Variants in WSCD2 observed in about 807,000 individuals in gnomAD.
WSCD2 encodes WSC domain sialate O sulfotransferase 2, also known as sialate:O-sulfotransferase 2.
A neutral mutation model predicts 55.7 loss-of-function variants in WSCD2; 28 were observed. That is an observed-to-expected ratio of 0.50 (90% CI 0.37 to 0.69). The LOEUF (loss-of-function observed/expected upper bound fraction) is 0.69, where lower values mean the gene tolerates loss of function less well. Among genes scored for constraint, WSCD2 ranks in the 30% least tolerant of loss-of-function variants. The pLI, the probability that WSCD2 is intolerant of heterozygous loss-of-function variation, is 0.00. For synonymous variants in WSCD2, 301 were observed against 301.9 expected (o/e 1.00, Z 0.03); for missense variants, 616 against 762.1 (o/e 0.81, Z 2.26).
chr12:108,169,886 C>T (rs1321035148), intron 1 of WSCD2, among the ~76,000 whole-genome samples: 1 of 152,052 alleles, frequency 6.6e-6, no homozygotes, highest in African/African-American at 2.4e-5. Context: ...GATATAACAC[C>T]CCAAACAAGG....
intron 4 of WSCD2, among the ~76,000 whole-genome samples, chr12:108,215,493 C>T (rs961734707): frequency 3.3e-5 from 5 of 152,120 alleles, no homozygotes; most frequent in African/African-American, 4.8e-5. Context: ...CAATTCACTC[C>T]GAGAAGCACC....
chr12:108,163,416 ATTC>A (rs1283022824), intron 1 of WSCD2, among the ~76,000 whole-genome samples: 1 of 152,104 alleles, frequency 6.6e-6, no homozygotes, highest in Non-Finnish European at 1.5e-5. Flanking sequence ...AGTCTATACC[ATTC>A]TTCTTTCTAA....
At position 108,227,180 on chromosome 12, in the gene WSCD2, C is replaced by A; in HGVS notation, c.979+16C>A. 6.2e-7 allele frequency: 1 copy of A among 1,603,458 alleles called. No homozygotes were observed. Among genetic ancestry groups the A allele is most frequent in the Admixed American group, 1.7e-5 (1 of 59,134 alleles). ...CAAGTCCAAGGTGAGCTAGGCCCTT[C>A]CCCAGTGGACCCCAGATGCACTCCC... On this transcript the variant is annotated intron_variant, in intron 6 of 8. Coordinates refer to ENST00000547525, the MANE Select transcript of WSCD2 (RefSeq NM_014653.4).
At chr12:108,226,013 G>A (rs1463349889) in intron 5 of WSCD2, among the ~76,000 whole-genome samples, 4 of 152,032 alleles carry the variant, frequency 2.6e-5, no homozygotes, top group Admixed American at 6.5e-5. Context: ...CCTTTCTCAC[G>A]GTCATGCAAT....
chr12:108,226,215 G>A (rs140146444), intron 5 of WSCD2, among the ~76,000 whole-genome samples: 204 of 152,228 alleles, frequency 1.3e-3, no homozygotes, highest in African/African-American at 4.7e-3. Flanking sequence ...GAGAACTAGG[G>A]GTGGTGGGTC....
intron 3 of WSCD2, among the ~76,000 whole-genome samples, chr12:108,207,426 G>A (rs1014424052): frequency 2.6e-5 from 4 of 151,600 alleles, no homozygotes; most frequent in South Asian, 2.1e-4. Flanking sequence ...CTGGAGTGCA[G>A]TGGCATAATC....
intron 4 of WSCD2, among the ~76,000 whole-genome samples, chr12:108,218,326 C>T (rs1277773263): frequency 6.6e-6 from 1 of 152,168 alleles, no homozygotes; most frequent in Non-Finnish European, 1.5e-5. Flanking sequence ...GATTAGAGCT[C>T]GTGTTTCCTA....
At position 108,248,928 on chromosome 12, in the gene WSCD2, T is replaced by C; in HGVS notation, c.*585T>C. 1.0e-6 allele frequency: 1 copy of C among 986,840 alleles called. No homozygotes were observed. The highest frequency in any genetic ancestry group is 1.2e-6 in the Non-Finnish European group (1 of 830,526). 61.1% of individuals were successfully genotyped at this position (986,840 alleles called of 1,614,324 possible). On this transcript the variant is annotated 3_prime_UTR_variant, in exon 9 of 9. Transcript: ENST00000547525. The surrounding 1 kb of genome is among the most constrained non-coding windows in gnomAD (Gnocchi z 4.3). ...CATCCTGGATAGTGTGGGGAGGTAA[T>C]GGTGCTCACAGTAGGTTAATTGGAG...
chr12:108,186,749 T>C (rs566845422), intron 1 of WSCD2, among the ~76,000 whole-genome samples: 2 of 152,332 alleles, frequency 1.3e-5, no homozygotes, highest in East Asian at 1.9e-4. Context: ...CTGGATCGTA[T>C]GGTAAGAGTA....
In WSCD2 at chr12:108,249,068, G is replaced by A; in HGVS notation, c.*725G>A. 3.1e-6 allele frequency: 1 copy of A among 318,792 alleles called. No individual in the cohort carries two copies. Among genetic ancestry groups the A allele is most frequent in the Non-Finnish European group, 4.5e-6 (1 of 220,132 alleles). 19.7% of individuals were successfully genotyped at this position (318,792 alleles called of 1,614,324 possible). A position where few individuals can be genotyped will look rare whatever the true frequency, so the allele number is the denominator to read the frequency against. On this transcript the variant is annotated 3_prime_UTR_variant, in exon 9 of 9. Coordinates refer to ENST00000547525, the MANE Select transcript of WSCD2 (RefSeq NM_014653.4). ...AACCCTGCCCCTTTCTATCCATGCTGTGTCCAGGAGGTGACCTTGAGATCC... is the reference window on the plus strand; with the variant it reads ...AACCCTGCCCCTTTCTATCCATGCTATGTCCAGGAGGTGACCTTGAGATCC...
In WSCD2 at chr12:108,227,115, G is replaced by A; in HGVS notation, c.930G>A (p.Glu310=). ...CAQKCSAEEF[E]SCGTPSYFIV... Reference sequence around the variant, plus strand: ...AGAAGTGCAGCGCGGAGGAGTTTGAGAGCTGCGGGACTCCTAGTTACTTCA... The same window carrying A: ...AGAAGTGCAGCGCGGAGGAGTTTGAAAGCTGCGGGACTCCTAGTTACTTCA... The change falls in exon 6 of 9, where the codon GAG becomes GAA. Residue 310 remains glutamate, a synonymous_variant. Transcript: ENST00000547525. 6.2e-7 allele frequency: 1 copy of A among 1,614,222 alleles called. No individual in the cohort carries two copies. Among genetic ancestry groups the A allele is most frequent in the Non-Finnish European group, 8.5e-7 (1 of 1,180,026 alleles).
intron 6 of WSCD2, among the ~76,000 whole-genome samples, chr12:108,230,753 C>T (rs1168944293): frequency 1.3e-5 from 2 of 152,178 alleles, no homozygotes; most frequent in African/African-American, 4.8e-5. Context: ...AGCGCTCTGC[C>T]CTCATGCCCG....
rs749136209 is a variant in WSCD2 at position 108,195,899 on chromosome 12, C to G, written c.67C>G (p.Leu23Val). ...RRKPVRFFTFLALYLTAGSLV... is the reference protein window; with the variant it reads ...RRKPVRFFTFVALYLTAGSLV... ...GAAACCTGTGCGCTTCTTTACCTTC[C>G]TGGCACTCTACCTGACTGCTGGGAG... is the stretch of plus-strand genomic sequence containing the variant. The change falls in exon 2 of 9, where the codon CTG (leucine) becomes GTG (valine). Residue 23 changes from leucine to valine, a missense_variant. Coordinates refer to ENST00000547525, the MANE Select transcript of WSCD2 (RefSeq NM_014653.4). 8.5e-5 allele frequency: 138 copies of G among 1,614,176 alleles called. No homozygotes were observed. The highest frequency in any genetic ancestry group is 1.1e-4 in the Non-Finnish European group (135 of 1,180,016).
intron 6 of WSCD2, among the ~76,000 whole-genome samples, chr12:108,230,183 C>T (rs896110533): frequency 9.9e-5 from 15 of 152,154 alleles, no homozygotes; most frequent in African/African-American, 3.4e-4. Context: ...TAATCCACTC[C>T]CCTATCAAAA....
chr12:108,161,347 T>C (rs1214695498), intron 1 of WSCD2, among the ~76,000 whole-genome samples: 1 of 152,130 alleles, frequency 6.6e-6, no homozygotes, highest in Non-Finnish European at 1.5e-5. Flanking sequence ...TTAGTTAAAT[T>C]AGGATGAAGT....
rs181051336 is a variant in WSCD2, at chr12:108,215,191, G to T, written c.682+4886G>T. On this transcript the variant is annotated intron_variant, in intron 4 of 8. Coordinates refer to ENST00000547525, the MANE Select transcript of WSCD2 (RefSeq NM_014653.4). The stretch of plus-strand genomic sequence containing the variant: ...TCTTCTTCTGCATCATGATGGGAGA[G>T]AATTGGTTTGCTCTTCTCCCCTAAG... Among the ~76,000 whole-genome samples, 48 of 152,316 alleles carry T rather than the reference G, an allele frequency of 3.2e-4. No individual in the cohort carries two copies. In the East Asian group the frequency reaches 6.0e-3, roughly 19 times the overall value.
intron 1 of WSCD2, among the ~76,000 whole-genome samples, chr12:108,169,498 C>T (rs1217189366): frequency 6.6e-6 from 1 of 152,096 alleles, no homozygotes; most frequent in Non-Finnish European, 1.5e-5. Context: ...TTTGAAAGGT[C>T]AGTGTGAGCT....
chr12:108,215,377 C>T (rs1284094335), intron 4 of WSCD2, among the ~76,000 whole-genome samples: 3 of 152,192 alleles, frequency 2.0e-5, no homozygotes, highest in Non-Finnish European at 4.4e-5. Flanking sequence ...AAAATGAAGA[C>T]AATCCCAATC....
intron 6 of WSCD2, among the ~76,000 whole-genome samples, chr12:108,228,327 T>C (rs1364780970): frequency 6.6e-6 from 1 of 152,170 alleles, no homozygotes; most frequent in African/African-American, 2.4e-5. Flanking sequence ...AAGTCCACAG[T>C]AAACCTATGA....
Sources: gnomAD v4.1 joint callset for allele counts (sites outside exome capture counted in the v4.1 genomes callset) on GRCh38, gnomAD v4.1.1 for gene constraint, Gnocchi (gnomAD v3.1) non-coding constraint, MANE v1.5 for transcripts, NCBI Gene and HGNC (gene_info 2026-07-23, HGNC 2026-07-21) for gene names.